FAM210A: variants seen among roughly 807,000 people sequenced by gnomAD.
FAM210A encodes the protein mitochondrial inner membrane scaffold 1, also known as family with sequence similarity 210 member A.
FAM210A carries 13 observed loss-of-function variants against 25.3 expected under a neutral mutation model. The observed-to-expected ratio is 0.51, with a 90% CI of 0.33 to 0.82. The LOEUF is 0.82. Ranked by LOEUF, FAM210A falls within the 40% of genes least tolerant of loss-of-function variation. The probability of loss-of-function intolerance (pLI) is 0.02; values close to 1 mark genes in which losing one functional copy is unlikely to be tolerated. For synonymous variants in FAM210A, 125 were observed against 118.7 expected (o/e 1.05, Z -0.35); for missense variants, 319 against 323.2 (o/e 0.99, Z 0.10).
chr18:13,716,570 G>T (rs1474001518), intron 1 of FAM210A, among the ~76,000 whole-genome samples: 1 of 152,152 alleles, frequency 6.6e-6, no homozygotes, highest in African/African-American at 2.4e-5. Context: ...GACATAGTTT[G>T]GCTCTGTGTC....
chr18:13,679,011 G>C (rs1350643544), intron 2 of FAM210A, among the ~76,000 whole-genome samples: 3 of 152,214 alleles, frequency 2.0e-5, no homozygotes, highest in African/African-American at 7.2e-5. Flanking sequence ...TTGCCAGATA[G>C]GAGCGGCAAC....
chr18:13,717,481 T>C (rs1490553417), intron 1 of FAM210A, among the ~76,000 whole-genome samples: 1 of 152,124 alleles, frequency 6.6e-6, no homozygotes, highest in African/African-American at 2.4e-5. Flanking sequence ...CACCGCTAAC[T>C]ACAAAGCAGG....
rs73958029 is a variant in FAM210A, at chr18:13,725,762, G to A, written c.-29+567C>T. ...TCACTCCCCAGTAGAAATCTGGGGTGATGGCCAAAAAAAGTGTGTTGTCTC... is the reference window on the plus strand; with the variant it reads ...TCACTCCCCAGTAGAAATCTGGGGTAATGGCCAAAAAAAGTGTGTTGTCTC... On this transcript the variant is annotated intron_variant, in intron 1 of 3. Transcript: ENST00000651643. Among the ~76,000 whole-genome samples, 578 of 152,246 alleles carry A rather than the reference G, an allele frequency of 3.8e-3. 6 individuals are homozygous for A. The highest frequency in any genetic ancestry group is 0.013 in the African/African-American group (556 of 41,546).
intron 2 of FAM210A, among the ~76,000 whole-genome samples, chr18:13,679,799 C>T (rs1030247084): frequency 6.6e-6 from 1 of 152,124 alleles, no homozygotes; most frequent in African/African-American, 2.4e-5. Context: ...AAGAAAGTTG[C>T]ATTTTACAGG....
In FAM210A at chr18:13,666,239, T is replaced by G. The variant is rs1450887631; in HGVS notation, c.*241A>C. 5 of 458,888 alleles carry G rather than the reference T, an allele frequency of 1.1e-5. No homozygotes were observed. Among genetic ancestry groups the G allele is most frequent in the Non-Finnish European group, 2.0e-5 (5 of 254,820 alleles). The allele number at this position is 458,888 out of a possible 1,614,324, so 28.4% of individuals were successfully genotyped here. A position where few individuals can be genotyped will look rare whatever the true frequency, so the allele number is the denominator to read the frequency against. The stretch of plus-strand genomic sequence containing the variant: ...AAAAGAAGTCTGACTTCTAAGACAT[T>G]AACCACTGCTTAATACTGCTACTGA... On this transcript the variant is annotated 3_prime_UTR_variant, in exon 4 of 4. Coordinates refer to ENST00000651643, the MANE Select transcript of FAM210A (RefSeq NM_152352.4).
At chr18:13,677,106 G>A (rs1318488832) in intron 2 of FAM210A, among the ~76,000 whole-genome samples, 20 of 145,166 alleles carry the variant, frequency 1.4e-4, no homozygotes, top group Non-Finnish European at 2.5e-4. Context: ...ACAGAGTCTC[G>A]CTCTGTCGCC....
rs563434619 is a variant in FAM210A at position 13,677,045 on chromosome 18, T to C, written c.473+4560A>G. 2.0e-5 allele frequency among the ~76,000 whole-genome samples: 3 copies of C among 150,858 alleles called. No individual in the cohort carries two copies. In the South Asian group the frequency reaches 6.3e-4, roughly 32 times the overall value. On this transcript the variant is annotated intron_variant, in intron 2 of 3. Transcript: ENST00000651643. ...TCATGTCTCAAAAAACTGAGCTCCC[T>C]GAGTGAGCAATTCCTGTCCCTCTAT...
chr18:13,677,507 G>T (rs377447526), intron 2 of FAM210A, among the ~76,000 whole-genome samples: 1 of 152,242 alleles, frequency 6.6e-6, no homozygotes, highest in African/African-American at 2.4e-5. Context: ...CAACACAACA[G>T]AACAGAACAG....
intron 1 of FAM210A, among the ~76,000 whole-genome samples, chr18:13,693,889 A>G (rs1282354195): frequency 1.3e-5 from 2 of 152,226 alleles, no homozygotes; most frequent in Non-Finnish European, 2.9e-5. Flanking sequence ...CAGGGCAGTC[A>G]GGCAAGAGAA....
At chr18:13,685,119 G>A (rs193250406) in intron 1 of FAM210A, among the ~76,000 whole-genome samples, 114 of 152,268 alleles carry the variant, frequency 7.5e-4, no homozygotes, top group African/African-American at 2.6e-3. Context: ...GGTCTGGGGA[G>A]TCACACCCTG....
intron 1 of FAM210A, among the ~76,000 whole-genome samples, chr18:13,711,740 C>A (rs150353490): frequency 1.3e-5 from 2 of 152,196 alleles, no homozygotes; most frequent in East Asian, 1.9e-4. Flanking sequence ...AGGTGATGAA[C>A]CCCAATTTAT....
chr18:13,688,163 C>T (rs1447127719), intron 1 of FAM210A, among the ~76,000 whole-genome samples: 1 of 152,190 alleles, frequency 6.6e-6, no homozygotes, highest in African/African-American at 2.4e-5. Flanking sequence ...TCTAGGCAGA[C>T]AGGGACAGGT....
At chr18:13,695,528 G>A (rs960903371) in intron 1 of FAM210A, among the ~76,000 whole-genome samples, 1 of 152,174 alleles carries the variant, frequency 6.6e-6, no homozygotes, top group Admixed American at 6.5e-5. Context: ...GGAATACTAT[G>A]CAGCCATAAA....
intron 1 of FAM210A, among the ~76,000 whole-genome samples, chr18:13,702,961 A>G (rs1457147957): frequency 6.6e-6 from 1 of 152,202 alleles, no homozygotes; most frequent in Non-Finnish European, 1.5e-5. Flanking sequence ...TAAAAAAAAG[A>G]CCACTGTGGT....
rs1568472487 is a variant in FAM210A at position 13,664,881 on chromosome 18, T to G, written c.*1599A>C. On this transcript the variant is annotated 3_prime_UTR_variant, in exon 4 of 4. Coordinates refer to ENST00000651643, the MANE Select transcript of FAM210A (RefSeq NM_152352.4). Reference sequence around the variant, plus strand: ...ACATTCTCTCGCCTTAGCAGATAAGTCAAAACAAGGACAATCTAAGAGGCC... The same window carrying G: ...ACATTCTCTCGCCTTAGCAGATAAGGCAAAACAAGGACAATCTAAGAGGCC... 1 of 152,178 alleles carries G rather than the reference T, an allele frequency of 6.6e-6. No individual in the cohort carries two copies. The highest frequency in any genetic ancestry group is 1.5e-5 in the Non-Finnish European group (1 of 68,024). 9.4% of individuals were successfully genotyped at this position (152,178 alleles called of 1,614,324 possible).
Position 13,666,592 on chromosome 18 carries a change from A to T in FAM210A, c.707T>A (p.Met236Lys). ...PPVKEYLQDR[M>K]EETKELITEK... Reference sequence around the variant, plus strand: ...TGTGATAAGCTCCTTTGTCTCTTCCATCCTGTCCTGCAGATACTCCTTGAC... The same window carrying T: ...TGTGATAAGCTCCTTTGTCTCTTCCTTCCTGTCCTGCAGATACTCCTTGAC... The change falls in exon 4 of 4, where the codon ATG becomes AAG. Residue 236 changes from methionine to lysine, a missense_variant. Physicochemically the swap from Met to Lys is moderately conservative, Grantham distance 95. Coordinates refer to ENST00000651643, the MANE Select transcript of FAM210A (RefSeq NM_152352.4). 1 of 1,614,110 alleles carries T rather than the reference A, an allele frequency of 6.2e-7. No homozygotes were observed. The highest frequency in any genetic ancestry group is 8.5e-7 in the Non-Finnish European group (1 of 1,180,038).
rs972718807 is a variant in FAM210A at position 13,671,859 on chromosome 18, C to T, written c.585+3G>A. 3.1e-6 allele frequency: 5 copies of T among 1,600,080 alleles called. No individual in the cohort carries two copies. Among genetic ancestry groups the T allele is most frequent in the Middle Eastern group, 1.7e-4 (1 of 6,034 alleles). ...GGAGCAATGGGTTTGTTACAGTACC[C>T]ACCTTAAACAAGGCATATGCTGTGA... On this transcript the variant is annotated splice_donor_region_variant and intron_variant, in intron 3 of 3. Coordinates refer to ENST00000651643, the MANE Select transcript of FAM210A (RefSeq NM_152352.4).
At chr18:13,697,903 A>G (rs1389490643) in intron 1 of FAM210A, among the ~76,000 whole-genome samples, 4 of 152,290 alleles carry the variant, frequency 2.6e-5, no homozygotes, top group African/African-American at 7.2e-5. Context: ...CTATTAAGCC[A>G]TGAAAACACA....
In FAM210A at chr18:13,666,220, A is replaced by G; in HGVS notation, c.*260T>C. 2.6e-6 allele frequency: 1 copy of G among 391,830 alleles called. No homozygotes were observed. The highest frequency in any genetic ancestry group is 4.6e-6 in the Non-Finnish European group (1 of 216,112). The allele number at this position is 391,830 out of a possible 1,614,324, so 24.3% of individuals were successfully genotyped here. The stretch of plus-strand genomic sequence containing the variant: ...GTGGTTCTGAAGACCTTGAAAAAGA[A>G]GTCTGACTTCTAAGACATTAACCAC... On this transcript the variant is annotated 3_prime_UTR_variant, in exon 4 of 4. Coordinates refer to ENST00000651643, the MANE Select transcript of FAM210A (RefSeq NM_152352.4).
Sources: allele counts gnomAD v4.1 joint callset (sites outside exome capture counted in the v4.1 genomes callset), GRCh38; gene constraint gnomAD v4.1.1; transcripts MANE v1.5; gene names NCBI Gene and HGNC (gene_info 2026-07-23, HGNC 2026-07-21).